TSPAN2: variants seen among roughly 807,000 people sequenced by gnomAD.
The protein encoded by TSPAN2 is tetraspanin-2.
A neutral mutation model predicts 33.3 loss-of-function variants in TSPAN2; 24 were observed. That is an observed-to-expected ratio of 0.72 (90% CI 0.52 to 1.01). The LOEUF (loss-of-function observed/expected upper bound fraction) is 1.01. Ranked by LOEUF, TSPAN2 falls within the 50% of genes least tolerant of loss-of-function variation. The pLI, the probability that TSPAN2 is intolerant of heterozygous loss-of-function variation, is 0.00. For synonymous variants in TSPAN2, 114 were observed against 104.5 expected (o/e 1.09, Z -0.56); for missense variants, 278 against 281.3 (o/e 0.99, Z 0.08).
chr1:115,057,660 C>T, intron 5 of TSPAN2, 52 bp from the exon 6 acceptor site: 1 of 1,565,502 alleles, frequency 6.4e-7, no homozygotes, highest in Non-Finnish European at 8.8e-7. Context: ...GTAGCAGCTA[C>T]AAGTCTGGGC....
chr1:115,070,748 C>A (rs60567857), intron 2 of TSPAN2, among the ~76,000 whole-genome samples: 3,323 of 152,214 alleles, frequency 0.022, 158 homozygotes, highest in African/African-American at 0.077. Flanking sequence ...CTTTCCTTAC[C>A]AGTTTAGAAT....
chr1:115,070,677 C>T (rs186024130), intron 2 of TSPAN2, among the ~76,000 whole-genome samples: 62 of 152,052 alleles, frequency 4.1e-4, no homozygotes, highest in Non-Finnish European at 1.5e-5. Flanking sequence ...CCTTTCTAGT[C>T]CCCATTTTTC....
intron 1 of TSPAN2, among the ~76,000 whole-genome samples, chr1:115,074,895 C>T (rs973803530): frequency 1.3e-5 from 2 of 152,170 alleles, no homozygotes; most frequent in African/African-American, 4.8e-5. Flanking sequence ...CATCTGGAGG[C>T]TGCCTGGGAC....
At chr1:115,075,790 C>T (rs1648381216) in intron 1 of TSPAN2, among the ~76,000 whole-genome samples, 2 of 152,164 alleles carry the variant, frequency 1.3e-5, no homozygotes, top group Admixed American at 1.3e-4. Context: ...AGTCTCAACC[C>T]CTCTTGCATT....
intron 3 of TSPAN2, among the ~76,000 whole-genome samples, chr1:115,060,809 A>T (rs1453420499): frequency 6.6e-6 from 1 of 152,258 alleles, no homozygotes; most frequent in African/African-American, 2.4e-5. Context: ...TGTGTAAAGA[A>T]GTTAAAAAGT....
intron 2 of TSPAN2, among the ~76,000 whole-genome samples, chr1:115,066,168 C>T (rs1213747728): frequency 6.6e-6 from 1 of 152,202 alleles, no homozygotes; most frequent in Non-Finnish European, 1.5e-5. Context: ...CTTAGGTTGA[C>T]TCCATATGTT....
At chr1:115,071,928 T>C (rs1266445713) in intron 2 of TSPAN2, among the ~76,000 whole-genome samples, 1 of 152,162 alleles carries the variant, frequency 6.6e-6, no homozygotes, top group African/African-American at 2.4e-5. Context: ...CTACTCTTCT[T>C]GTGATTTAGA....
At chr1:115,084,905 C>G (rs1648774414) in intron 1 of TSPAN2, among the ~76,000 whole-genome samples, 1 of 152,200 alleles carries the variant, frequency 6.6e-6, no homozygotes, top group Non-Finnish European at 1.5e-5. Flanking sequence ...AGGAGGGCAA[C>G]TTCAGACTTG....
chr1:115,061,641 C>G (rs909615905), intron 3 of TSPAN2, among the ~76,000 whole-genome samples: 1 of 152,170 alleles, frequency 6.6e-6, no homozygotes, highest in Non-Finnish European at 1.5e-5. Flanking sequence ...TCACACTTCC[C>G]ATATAAGGCA....
intron 2 of TSPAN2, among the ~76,000 whole-genome samples, chr1:115,071,981 G>A (rs1338628295): frequency 6.6e-6 from 1 of 152,150 alleles, no homozygotes; most frequent in Non-Finnish European, 1.5e-5. Context: ...TGCCATAGAG[G>A]TCACCACAGC....
intron 3 of TSPAN2, among the ~76,000 whole-genome samples, chr1:115,061,409 T>G (rs1011010320): frequency 1.3e-5 from 2 of 152,218 alleles, no homozygotes; most frequent in African/African-American, 2.4e-5. Context: ...TAAACAGAGG[T>G]TGCTTGTTAA....
chr1:115,052,356 T>C (rs1175844042), intron 7 of TSPAN2, among the ~76,000 whole-genome samples: 1 of 152,192 alleles, frequency 6.6e-6, no homozygotes, highest in Non-Finnish European at 1.5e-5. Context: ...TTAATCTACA[T>C]AGAGGGCTAG....
chr1:115,073,508 A>G (rs1648273125), intron 1 of TSPAN2, among the ~76,000 whole-genome samples: 1 of 138,562 alleles, frequency 7.2e-6, no homozygotes, highest in South Asian at 2.7e-4. Flanking sequence ...CAGCAACCTC[A>G]ACCTCAGAAC....
chr1:115,072,196 C>T (rs1304804242), intron 2 of TSPAN2, among the ~76,000 whole-genome samples: 1 of 152,098 alleles, frequency 6.6e-6, no homozygotes, highest in Non-Finnish European at 1.5e-5. Flanking sequence ...AGAACACTGC[C>T]TTGCGGGTGG....
chr1:115,061,883 G>A (rs1365127645), intron 3 of TSPAN2, among the ~76,000 whole-genome samples: 1 of 151,976 alleles, frequency 6.6e-6, no homozygotes, highest in African/African-American at 2.4e-5. Context: ...TAAACTCCTG[G>A]GCTCCAGAGA....
At chr1:115,085,132 G>T (rs1648786269) in intron 1 of TSPAN2, among the ~76,000 whole-genome samples, 1 of 152,116 alleles carries the variant, frequency 6.6e-6, no homozygotes, top group South Asian at 2.1e-4. Context: ...GAAAAAAAAA[G>T]GTGATTTCAA....
chr1:115,056,744 T>A (rs1647444772), intron 6 of TSPAN2, among the ~76,000 whole-genome samples: 2 of 152,276 alleles, frequency 1.3e-5, no homozygotes, highest in South Asian at 4.1e-4. Context: ...ATCCCTCCTA[T>A]CAGACTGCAA....
intron 2 of TSPAN2, 140 bp downstream of exon 2, chr1:115,072,765 T>C (rs1648231790): frequency 2.9e-6 from 2 of 701,078 alleles, no homozygotes; most frequent in Non-Finnish European, 2.5e-6. Flanking sequence ...GCACAGGGGC[T>C]CAGAGGTGGC....
chr1:115,050,643 G>C, intron 7 of TSPAN2, 88 bp from the exon 8 acceptor site: 1 of 998,354 alleles, frequency 1.0e-6, no homozygotes, highest in Admixed American at 2.0e-5. Flanking sequence ...TCTAACTCAA[G>C]TTAACAAATA....
Sources: allele counts gnomAD v4.1 joint callset (sites outside exome capture counted in the v4.1 genomes callset), GRCh38; gene constraint gnomAD v4.1.1; transcripts MANE v1.5; gene names NCBI Gene and HGNC (gene_info 2026-07-23, HGNC 2026-07-21).